UGT1A5: variants seen among roughly 807,000 people sequenced by gnomAD.
UGT1A5 encodes the protein UDP glucuronosyltransferase family 1 member A5.
In UGT1A5, 29 loss-of-function variants were observed where a neutral mutation model predicts 40.3. The observed-to-expected ratio is 0.72, with a 90% confidence interval of 0.54 to 0.98. The LOEUF is 0.98. Ranked by LOEUF, UGT1A5 falls within the 50% of genes least tolerant of loss-of-function variation. The probability of loss-of-function intolerance (pLI) is 0.00; values close to 1 mark genes in which losing one functional copy is unlikely to be tolerated. For synonymous variants in UGT1A5, 257 were observed against 262.5 expected (o/e 0.98, Z 0.20); for missense variants, 678 against 677.9 (o/e 1.00, Z 0.00).
At chr2:233,721,043 C>A (rs556501874) in intron 1 of UGT1A5, among the ~76,000 whole-genome samples, 1 of 152,048 alleles carries the variant, frequency 6.6e-6, no homozygotes, top group African/African-American at 2.4e-5. Context: ...AGAATTGAGC[C>A]CTTTTTTGTC....
rs879478240 is a variant in UGT1A5 at position 233,725,179 on chromosome 2, GAGAGGC to G, written c.867+11357_867+11362del. Among the ~76,000 whole-genome samples the G allele has an allele frequency of 4.9e-3, 330 of 67,596 alleles. 71 individuals are homozygous for G. The highest frequency in any genetic ancestry group is 0.014 in the Middle Eastern group (2 of 144). 44.3% of individuals were successfully genotyped at this position (67,596 alleles called of 152,430 possible). On this transcript the variant is annotated intron_variant, in intron 1 of 4. Transcript: ENST00000373414. Reference sequence around the variant, plus strand: ...CTCTGCATGAGAGGGAGACCGTGGGGAGAGGCAGAGGCAGAGGCAGAGGCAGAGGCA... The same window carrying G: ...CTCTGCATGAGAGGGAGACCGTGGGGAGAGGCAGAGGCAGAGGCAGAGGCA...
chr2:233,728,311 T>G (rs1219809446), intron 1 of UGT1A5, among the ~76,000 whole-genome samples: 2 of 152,208 alleles, frequency 1.3e-5, no homozygotes, highest in Non-Finnish European at 1.5e-5. Flanking sequence ...GTGCAAGATC[T>G]GAGGCCAGGC....
At chr2:233,728,018 G>A (rs774114702) in intron 1 of UGT1A5, among the ~76,000 whole-genome samples, 4 of 152,350 alleles carry the variant, frequency 2.6e-5, no homozygotes, top group Non-Finnish European at 5.9e-5. Context: ...ACATGTGGGA[G>A]TGACTTTCTG....
At chr2:233,714,334 A>T (rs147538599) in intron 1 of UGT1A5, among the ~76,000 whole-genome samples, 1 of 152,254 alleles carries the variant, frequency 6.6e-6, no homozygotes, top group East Asian at 1.9e-4. Context: ...AGACCTAAGC[A>T]CTCAGAGGAA....
intron 1 of UGT1A5, among the ~76,000 whole-genome samples, chr2:233,749,743 T>C (rs1694265349): frequency 1.3e-5 from 2 of 151,904 alleles, no homozygotes; most frequent in Non-Finnish European, 2.9e-5. Context: ...GGTCTCATCA[T>C]AGTGAGTGAG....
chr2:233,718,389 G>C (rs2125660033), intron 1 of UGT1A5, among the ~76,000 whole-genome samples: 1 of 152,356 alleles, frequency 6.6e-6, no homozygotes, highest in South Asian at 2.1e-4. Flanking sequence ...AGTTTCAAGG[G>C]TTAGCAAATA....
chr2:233,733,638 G>C (rs913820039), intron 1 of UGT1A5, among the ~76,000 whole-genome samples: 1 of 152,200 alleles, frequency 6.6e-6, no homozygotes, highest in African/African-American at 2.4e-5. Flanking sequence ...AACCAGCCTT[G>C]CATCCCAAGG....
chr2:233,760,562 T>C (rs1218423176), intron 1 of UGT1A5: 6 of 1,614,228 alleles, frequency 3.7e-6, no homozygotes, highest in East Asian at 2.2e-5. Flanking sequence ...AAAGAGTCTT[T>C]TGTTAGTCTC....
intron 1 of UGT1A5, among the ~76,000 whole-genome samples, chr2:233,761,833 G>A (rs549701832): frequency 6.6e-6 from 1 of 152,304 alleles, no homozygotes; most frequent in Admixed American, 6.5e-5. Flanking sequence ...CAGATGGAGC[G>A]TTAGGGAATT....
chr2:233,759,046 C>T (rs1422861422), intron 1 of UGT1A5, among the ~76,000 whole-genome samples: 1 of 152,150 alleles, frequency 6.6e-6, no homozygotes, highest in Non-Finnish European at 1.5e-5. Flanking sequence ...CTGTTGTGAA[C>T]AAAAGTTCTC....
chr2:233,726,371 C>A (rs1294856696), intron 1 of UGT1A5, among the ~76,000 whole-genome samples: 2 of 152,074 alleles, frequency 1.3e-5, no homozygotes, highest in African/African-American at 4.8e-5. Flanking sequence ...ACAACAAAAA[C>A]CAAAATTGCT....
chr2:233,762,209 C>T (rs914722298), intron 1 of UGT1A5, among the ~76,000 whole-genome samples: 1 of 152,104 alleles, frequency 6.6e-6, no homozygotes, highest in Non-Finnish European at 1.5e-5. Flanking sequence ...ATGTATTTGG[C>T]GCCCCATAAA....
chr2:233,719,549 G>A (rs1246410052), intron 1 of UGT1A5: 1 of 1,613,938 alleles, frequency 6.2e-7, no homozygotes, highest in African/African-American at 1.3e-5. Context: ...AGAGAGAGGT[G>A]TCAGTGGTGG....
At chr2:233,729,492 G>A (rs2077867797) in intron 1 of UGT1A5, 26 of 1,614,172 alleles carry the variant, frequency 1.6e-5, no homozygotes, top group Non-Finnish European at 2.0e-5. Context: ...ATATGTCTTT[G>A]GTCTATCATA....
intron 1 of UGT1A5, among the ~76,000 whole-genome samples, chr2:233,735,882 G>T (rs1173866401): frequency 6.6e-6 from 1 of 152,160 alleles, no homozygotes; most frequent in Admixed American, 6.5e-5. Flanking sequence ...GAGATCTGCT[G>T]TTAGTCTGAT....
chr2:233,745,632 G>A (rs1693165975), intron 1 of UGT1A5, among the ~76,000 whole-genome samples: 1 of 151,552 alleles, frequency 6.6e-6, no homozygotes, highest in Non-Finnish European at 1.5e-5. Flanking sequence ...GTCATAGAAA[G>A]CTGGCCGAGG....
chr2:233,743,731 G>A (rs373030535), intron 1 of UGT1A5: 15 of 1,367,244 alleles, frequency 1.1e-5, no homozygotes, highest in Middle Eastern at 2.1e-4. Flanking sequence ...CATAGATATC[G>A]CGTTTCTTGG....
intron 1 of UGT1A5, chr2:233,718,978 C>A (rs200639166): frequency 6.2e-7 from 1 of 1,614,096 alleles, no homozygotes; most frequent in Non-Finnish European, 8.5e-7. Flanking sequence ...GAGCTCCATG[C>A]CAGAGGCCAC....
At chr2:233,768,164 C>A in intron 3 of UGT1A5, 56 bp from the exon 4 acceptor site, 1 of 1,613,412 alleles carries the variant, frequency 6.2e-7, no homozygotes, top group South Asian at 1.1e-5. Context: ...CTAGATGTGT[C>A]CAGCTGTGAA....
Sources: allele counts gnomAD v4.1 joint callset (sites outside exome capture counted in the v4.1 genomes callset), GRCh38; gene constraint gnomAD v4.1.1; transcripts MANE v1.5; gene names NCBI Gene and HGNC (gene_info 2026-07-23, HGNC 2026-07-21).